Variants in PRDM5 observed in about 807,000 individuals in gnomAD.
PRDM5 encodes the protein PR domain zinc finger protein 5.
Under a neutral mutation model 81.2 loss-of-function variants are expected in PRDM5, and 56 were observed. That is an observed-to-expected ratio of 0.69 (90% CI 0.56 to 0.86). PRDM5 has a LOEUF of 0.86. PRDM5 is among the 40% of genes least tolerant of loss of function. The pLI, the probability that PRDM5 is intolerant of heterozygous loss-of-function variation, is 0.00. For missense variants in PRDM5, 697 were observed against 770.1 expected (o/e 0.91, Z 1.12); for synonymous variants, 267 against 256.4 (o/e 1.04, Z -0.39).
intron 14 of PRDM5, among the ~76,000 whole-genome samples, chr4:120,729,948 G>A (rs947404937): frequency 6.6e-6 from 1 of 152,166 alleles, no homozygotes; most frequent in African/African-American, 2.4e-5. Flanking sequence ...AGACCCAAGA[G>A]ATACTGTAGC....
chr4:120,784,469 T>C (rs1749474392), intron 11 of PRDM5, among the ~76,000 whole-genome samples: 1 of 152,134 alleles, frequency 6.6e-6, no homozygotes, highest in Non-Finnish European at 1.5e-5. Flanking sequence ...ATCAGGGACC[T>C]GTTTGCTACT....
chr4:120,755,589 A>T (rs1744616238), intron 13 of PRDM5, among the ~76,000 whole-genome samples: 1 of 152,094 alleles, frequency 6.6e-6, no homozygotes, highest in Non-Finnish European at 1.5e-5. Context: ...TCTGATCTTA[A>T]TTCAATCTGG....
rs146559410 is a variant in PRDM5, at chr4:120,765,181, T to C, written c.1538-10543A>G. On this transcript the variant is annotated intron_variant, in intron 13 of 15. Transcript: ENST00000264808. ...ATCAAATAATAATATACTGATTTTT[T>C]ATATCTAAGCTGATCACAGGTATTT... is the stretch of plus-strand genomic sequence containing the variant. 3.4e-3 allele frequency among the ~76,000 whole-genome samples: 522 copies of C among 152,320 alleles called. 5 individuals carry two copies. Among genetic ancestry groups the C allele is most frequent in the African/African-American group, 0.012 (507 of 41,582 alleles).
chr4:120,777,640 G>A (rs1360318628), intron 12 of PRDM5, among the ~76,000 whole-genome samples: 1 of 152,046 alleles, frequency 6.6e-6, no homozygotes, highest in African/African-American at 2.4e-5. Context: ...CACTTCATTT[G>A]AAGCATTTTT....
At chr4:120,917,808 T>C (rs1724382438) in intron 1 of PRDM5, among the ~76,000 whole-genome samples, 1 of 152,162 alleles carries the variant, frequency 6.6e-6, no homozygotes, top group South Asian at 2.1e-4. Context: ...TTTTTAAAAG[T>C]GTGCATGTGT....
chr4:120,796,523 G>A (rs1470619813), intron 10 of PRDM5, among the ~76,000 whole-genome samples: 1 of 152,152 alleles, frequency 6.6e-6, no homozygotes, highest in Non-Finnish European at 1.5e-5. Context: ...AGTTTCATCA[G>A]AGAAAGGAAT....
chr4:120,806,788 G>T (rs1423164544), intron 8 of PRDM5, among the ~76,000 whole-genome samples: 1 of 152,036 alleles, frequency 6.6e-6, no homozygotes, highest in Non-Finnish European at 1.5e-5. Context: ...CATAGGCATG[G>T]GCAAGGACTT....
intron 2 of PRDM5, among the ~76,000 whole-genome samples, chr4:120,876,506 T>C (rs1209959005): frequency 6.6e-6 from 1 of 152,184 alleles, no homozygotes; most frequent in African/African-American, 2.4e-5. Context: ...ATTGTTTGAT[T>C]TGGCATAGTA....
intron 13 of PRDM5, among the ~76,000 whole-genome samples, chr4:120,758,564 G>A (rs1014850493): frequency 6.6e-6 from 1 of 152,112 alleles, no homozygotes; most frequent in Admixed American, 6.6e-5. Context: ...CACAAGCCAA[G>A]AACTATCAGA....
chr4:120,750,718 A>ACACACACG (rs1240938492), intron 14 of PRDM5, among the ~76,000 whole-genome samples: 136 of 150,018 alleles, frequency 9.1e-4, no homozygotes, highest in Non-Finnish European at 1.6e-3. Flanking sequence ...ACACACACAC[A>ACACACACG]CGCGCACACA....
chr4:120,891,810 A>G (rs1458057555), intron 2 of PRDM5, among the ~76,000 whole-genome samples: 2 of 152,068 alleles, frequency 1.3e-5, no homozygotes, highest in Admixed American at 1.3e-4. Context: ...TTGTATTTTT[A>G]GTAGACACAG....
intron 8 of PRDM5, among the ~76,000 whole-genome samples, chr4:120,800,365 A>C (rs1289100812): frequency 6.6e-6 from 1 of 152,136 alleles, no homozygotes; most frequent in African/African-American, 2.4e-5. Flanking sequence ...AAAATTTTAA[A>C]AATTAGCCAG....
At chr4:120,687,937 T>C (rs1733898309), downstream of PRDM5, among the ~76,000 whole-genome samples, 1 of 152,208 alleles carries the variant, frequency 6.6e-6, no homozygotes, top group South Asian at 2.1e-4. Flanking sequence ...TCATCCATTA[T>C]AAATTATCAA....
At chr4:120,818,629 G>T in intron 4 of PRDM5, 102 bp from the exon 5 acceptor site, 1 of 968,296 alleles carries the variant, frequency 1.0e-6, no homozygotes, top group Non-Finnish European at 1.6e-6. Flanking sequence ...TGTGCTTAAT[G>T]ATACCATATG....
At chr4:120,745,635 AC>A (rs1402566383) in intron 14 of PRDM5, among the ~76,000 whole-genome samples, 8 of 138,246 alleles carry the variant, frequency 5.8e-5, no homozygotes, top group Non-Finnish European at 1.2e-4. Flanking sequence ...CTATACACCA[AC>A]AACAGACAAA....
intron 2 of PRDM5, among the ~76,000 whole-genome samples, chr4:120,902,812 G>A (rs1765366279): frequency 6.6e-6 from 1 of 152,184 alleles, no homozygotes; most frequent in Non-Finnish European, 1.5e-5. Context: ...CTGAAGCAGT[G>A]GGCATCAGTA....
At chr4:120,875,645 T>C (rs1762266592) in intron 2 of PRDM5, among the ~76,000 whole-genome samples, 1 of 152,100 alleles carries the variant, frequency 6.6e-6, no homozygotes, top group Non-Finnish European at 1.5e-5. Flanking sequence ...TATGAGAATA[T>C]GATTAACCCA....
intron 8 of PRDM5, among the ~76,000 whole-genome samples, chr4:120,805,950 C>T (rs1468372330): frequency 6.6e-6 from 1 of 152,034 alleles, no homozygotes; most frequent in Non-Finnish European, 1.5e-5. Context: ...TCTAGAAAAC[C>T]CCATCATCTC....
At chr4:120,820,840 G>A (rs1429210445) in intron 4 of PRDM5, among the ~76,000 whole-genome samples, 1 of 152,198 alleles carries the variant, frequency 6.6e-6, no homozygotes, top group Non-Finnish European at 1.5e-5. Flanking sequence ...ACTGATTAGT[G>A]GCAGAGCTAT....
Sources: allele counts gnomAD v4.1 joint callset (sites outside exome capture counted in the v4.1 genomes callset), GRCh38; gene constraint gnomAD v4.1.1; transcripts MANE v1.5; gene names NCBI Gene and HGNC (gene_info 2026-07-23, HGNC 2026-07-21).